KIAA1217: variants seen among roughly 807,000 people sequenced by gnomAD.
KIAA1217 encodes the protein sickle tail protein homolog.
In KIAA1217, 88 loss-of-function variants were observed where a neutral mutation model predicts 163.9. The observed-to-expected ratio is 0.54, with a 90% CI of 0.45 to 0.64. KIAA1217 has a LOEUF of 0.64. Ranked by LOEUF, KIAA1217 falls within the 30% of genes least tolerant of loss-of-function variation. The probability of loss-of-function intolerance (pLI) is 0.00; values close to 1 mark genes in which losing one functional copy is unlikely to be tolerated. For synonymous variants in KIAA1217, 903 were observed against 923.1 expected, an observed-to-expected ratio of 0.98 and a Z score of 0.39; for missense variants, 2,372 against 2,475.0, an observed-to-expected ratio of 0.96 and a Z score of 0.88.
chr10:24,030,760 A>G (rs1258843948), intron 2 of KIAA1217, among the ~76,000 whole-genome samples: 2 of 152,214 alleles, frequency 1.3e-5, no homozygotes, highest in Non-Finnish European at 2.9e-5. Flanking sequence ...AAGTAGGATC[A>G]TAAAATATTT....
At chr10:24,013,405 AAC>A (rs1847333961) in intron 2 of KIAA1217, among the ~76,000 whole-genome samples, 1 of 152,062 alleles carries the variant, frequency 6.6e-6, no homozygotes, top group African/African-American at 2.4e-5. Flanking sequence ...TTTAAGCAGA[AAC>A]ACACATAAAA....
chr10:24,415,075 G>A (rs190371002), intron 3 of KIAA1217, among the ~76,000 whole-genome samples: 59 of 151,658 alleles, frequency 3.9e-4, no homozygotes, highest in Admixed American at 5.9e-4. Context: ...TTGGAGGCCC[G>A]GCAGTCTGGA....
At chr10:24,019,389 A>G (rs1244699689) in intron 2 of KIAA1217, among the ~76,000 whole-genome samples, 1 of 126,540 alleles carries the variant, frequency 7.9e-6, no homozygotes, top group Non-Finnish European at 1.8e-5. Context: ...TACATACTTA[A>G]GGAATGCAAA....
intron 3 of KIAA1217, among the ~76,000 whole-genome samples, chr10:24,405,238 G>A (rs1245088024): frequency 3.3e-5 from 5 of 152,032 alleles, no homozygotes; most frequent in Non-Finnish European, 1.5e-5. Context: ...ATTGGGGGAG[G>A]GAGGGCAAAG....
intron 2 of KIAA1217, among the ~76,000 whole-genome samples, chr10:24,370,383 A>C (rs2051460476): frequency 6.6e-6 from 1 of 152,142 alleles, no homozygotes. Flanking sequence ...ATTAGCTTGG[A>C]CATTAAATTT....
At chr10:24,441,423 GA>G (rs1190991049) in intron 5 of KIAA1217, among the ~76,000 whole-genome samples, 1 of 152,162 alleles carries the variant, frequency 6.6e-6, no homozygotes, top group East Asian at 1.9e-4. Flanking sequence ...TCTTGCCTTT[GA>G]AAGAAAAGAA....
chr10:24,323,656 A>G (rs2044463052), intron 2 of KIAA1217, among the ~76,000 whole-genome samples: 1 of 152,100 alleles, frequency 6.6e-6, no homozygotes, highest in Non-Finnish European at 1.5e-5. Flanking sequence ...TTGTAATGCC[A>G]TTGTAAAAAC....
At chr10:23,837,812 A>G (rs943656857) in intron 1 of KIAA1217, among the ~76,000 whole-genome samples, 5 of 152,138 alleles carry the variant, frequency 3.3e-5, no homozygotes, top group Non-Finnish European at 5.9e-5. Flanking sequence ...AAATGTTGGG[A>G]TTGCAGGCAT....
At chr10:24,264,187 G>A (rs1427286195) in intron 2 of KIAA1217, among the ~76,000 whole-genome samples, 1 of 152,134 alleles carries the variant, frequency 6.6e-6, no homozygotes, top group Non-Finnish European at 1.5e-5. Context: ...CATACAACGA[G>A]TACAGCGGGA....
At chr10:23,873,196 A>G (rs1840541243) in intron 1 of KIAA1217, among the ~76,000 whole-genome samples, 1 of 152,026 alleles carries the variant, frequency 6.6e-6, no homozygotes, top group South Asian at 2.1e-4. Context: ...CCATACCTTA[A>G]TATTTTTTCA....
At chr10:24,436,757 CAAAAAAAAAAAAAA>C (rs10560676) in intron 4 of KIAA1217, among the ~76,000 whole-genome samples, 1 of 70,874 alleles carries the variant, frequency 1.4e-5, no homozygotes, top group Non-Finnish European at 2.4e-5. Context: ...GACTCCGTCT[CAAAAAAAAAAAAAA>C]AAAAAAAAAA....
chr10:24,020,752 A>G (rs1189007146), intron 2 of KIAA1217, among the ~76,000 whole-genome samples: 4 of 152,056 alleles, frequency 2.6e-5, no homozygotes, highest in Middle Eastern at 3.2e-3. Context: ...AAATATAAAT[A>G]TAAGAACACA....
intron 2 of KIAA1217, among the ~76,000 whole-genome samples, chr10:24,358,202 C>T (rs1307516992): frequency 6.6e-6 from 1 of 151,956 alleles, no homozygotes; most frequent in Admixed American, 6.6e-5. Context: ...AAGAAGTGAG[C>T]AAATAAGTAA....
At chr10:23,816,242 CT>C (rs1465533699) in intron 1 of KIAA1217, among the ~76,000 whole-genome samples, 38 of 152,230 alleles carry the variant, frequency 2.5e-4, no homozygotes, top group African/African-American at 8.9e-4. Flanking sequence ...TACTTTGATC[CT>C]TAGGGGAAGT....
chr10:24,212,623 G>C (rs2130703072), intron 1 of KIAA1217, among the ~76,000 whole-genome samples: 1 of 152,302 alleles, frequency 6.6e-6, no homozygotes, highest in Admixed American at 6.5e-5. Context: ...TGATGCTGTA[G>C]AGAAGCATGG....
intron 1 of KIAA1217, among the ~76,000 whole-genome samples, chr10:23,817,262 A>G (rs778123009): frequency 6.6e-6 from 1 of 152,210 alleles, no homozygotes; most frequent in Non-Finnish European, 1.5e-5. Flanking sequence ...ACAGTAGGAT[A>G]AGACAGGATG....
At chr10:24,443,153 C>A (rs2060640671) in intron 5 of KIAA1217, among the ~76,000 whole-genome samples, 1 of 152,108 alleles carries the variant, frequency 6.6e-6, no homozygotes, top group Non-Finnish European at 1.5e-5. Context: ...TCAGGTGATC[C>A]ACCTGCCTCA....
At chr10:24,533,346 G>A (rs1564882259) in intron 16 of KIAA1217, 109 bp downstream of exon 16, 1 of 1,091,686 alleles carries the variant, frequency 9.2e-7, no homozygotes, top group Non-Finnish European at 1.3e-6. Flanking sequence ...GCATGGACCG[G>A]GACCATAGAA....
intron 2 of KIAA1217, among the ~76,000 whole-genome samples, chr10:24,312,769 G>T (rs773389910): frequency 3.3e-5 from 5 of 152,054 alleles, no homozygotes; most frequent in Admixed American, 6.6e-5. Flanking sequence ...ATAAAAATTA[G>T]CTGGGTGTGA....
Sources: allele counts gnomAD v4.1 joint callset (sites outside exome capture counted in the v4.1 genomes callset), GRCh38; gene constraint gnomAD v4.1.1; transcripts MANE v1.5; gene names NCBI Gene and HGNC (gene_info 2026-07-23, HGNC 2026-07-21).